Variants in RABGAP1L observed in about 807,000 individuals in gnomAD.
The protein encoded by RABGAP1L is RAB GTPase activating protein 1 like, also known as rab GTPase-activating protein 1-like.
RABGAP1L carries 63 observed loss-of-function variants against 137.7 expected under a neutral mutation model. The observed-to-expected ratio is 0.46, with a 90% confidence interval of 0.37 to 0.56. RABGAP1L has a LOEUF of 0.56. Among genes scored for constraint, RABGAP1L ranks in the 20% least tolerant of loss-of-function variants. The pLI, the probability that RABGAP1L is intolerant of heterozygous loss-of-function variation, is 0.00. For synonymous variants in RABGAP1L, 431 were observed against 433.7 expected (o/e 0.99, Z 0.08); for missense variants, 1,095 against 1,244.0 (o/e 0.88, Z 1.80).
chr1:174,925,971 C>T (rs1217293926), intron 19 of RABGAP1L, among the ~76,000 whole-genome samples: 5 of 138,210 alleles, frequency 3.6e-5, no homozygotes, highest in Admixed American at 8.0e-5. Context: ...TCAAGTGATT[C>T]TCATGCCTCA....
intron 11 of RABGAP1L, among the ~76,000 whole-genome samples, chr1:174,339,471 C>CT (rs201543447): frequency 6.6e-6 from 1 of 151,932 alleles, no homozygotes; most frequent in Non-Finnish European, 1.5e-5. Context: ...TCCCGAATGT[C>CT]TAATTCAGGC....
At chr1:174,860,311 A>G (rs1185190515) in intron 19 of RABGAP1L, among the ~76,000 whole-genome samples, 1 of 152,158 alleles carries the variant, frequency 6.6e-6, no homozygotes, top group East Asian at 1.9e-4. Flanking sequence ...TTTTATTTAT[A>G]TAAATCTTAG....
chr1:174,849,856 T>G (rs946739700), intron 19 of RABGAP1L: 8 of 559,208 alleles, frequency 1.4e-5, no homozygotes, highest in Non-Finnish European at 2.8e-5. Flanking sequence ...ATCTTAATAT[T>G]TATCATATTA....
intron 24 of RABGAP1L, among the ~76,000 whole-genome samples, chr1:174,985,961 C>CG (rs1558308063): frequency 1.3e-5 from 2 of 151,098 alleles, no homozygotes; most frequent in Non-Finnish European, 3.0e-5. Flanking sequence ...TTTTTTGAGA[C>CG]GGGGTCTCGC....
chr1:174,909,249 G>T (rs942621778), intron 19 of RABGAP1L, among the ~76,000 whole-genome samples: 4 of 151,374 alleles, frequency 2.6e-5, no homozygotes, highest in Admixed American at 6.6e-5. Context: ...TTTGAGAGAA[G>T]GTCTTACTCT....
intron 19 of RABGAP1L, among the ~76,000 whole-genome samples, chr1:174,953,969 T>A: frequency 6.6e-6 from 1 of 152,178 alleles, no homozygotes; most frequent in East Asian, 1.9e-4. Context: ...AACTGACCTT[T>A]GATCATCCGT....
At chr1:174,899,631 T>A (rs1657815058) in intron 19 of RABGAP1L, among the ~76,000 whole-genome samples, 1 of 152,190 alleles carries the variant, frequency 6.6e-6, no homozygotes, top group African/African-American at 2.4e-5. Flanking sequence ...TCATCCATCC[T>A]GCTCTCTGTT....
intron 1 of RABGAP1L, among the ~76,000 whole-genome samples, chr1:174,166,512 A>T (rs751748429): frequency 2.6e-5 from 4 of 152,234 alleles, no homozygotes; most frequent in Non-Finnish European, 4.4e-5. Flanking sequence ...GAATTTTCTT[A>T]GATTTCAGCA....
At chr1:174,295,796 G>A (rs569186363) in intron 10 of RABGAP1L, among the ~76,000 whole-genome samples, 3 of 151,958 alleles carry the variant, frequency 2.0e-5, no homozygotes, top group Non-Finnish European at 4.4e-5. Context: ...TGGGACTATA[G>A]GTGTGAGCTA....
intron 1 of RABGAP1L, among the ~76,000 whole-genome samples, chr1:174,186,603 GTTA>G (rs1434039118): frequency 6.6e-6 from 1 of 152,134 alleles, no homozygotes; most frequent in Non-Finnish European, 1.5e-5. Flanking sequence ...TTCCCAGTTT[GTTA>G]TTATCTGTGT....
chr1:174,322,196 G>A (rs1680056414), intron 11 of RABGAP1L, among the ~76,000 whole-genome samples: 1 of 151,956 alleles, frequency 6.6e-6, no homozygotes, highest in African/African-American at 2.4e-5. Context: ...TCCTTTAGAT[G>A]TTTTATAGTT....
At chr1:174,828,192 T>G (rs1453284848) in intron 19 of RABGAP1L, among the ~76,000 whole-genome samples, 1 of 148,060 alleles carries the variant, frequency 6.8e-6, no homozygotes, top group African/African-American at 2.5e-5. Context: ...CCATCAGAAT[T>G]TGCAGTTTCA....
chr1:174,272,390 CT>C (rs746642010), intron 7 of RABGAP1L, 23 bp from the exon 8 acceptor site: 47 of 1,598,556 alleles, frequency 2.9e-5, no homozygotes, highest in South Asian at 8.0e-5. Context: ...CTTATTTCTC[CT>C]TTTTTTCCCC....
chr1:174,456,378 C>A lies in RABGAP1L; in HGVS notation c.1710+62233C>A, dbSNP rs1302209340. On this transcript the variant is annotated intron_variant, in intron 13 of 25. Coordinates refer to ENST00000681986, the MANE Select transcript of RABGAP1L (RefSeq NM_001366446.1). ...CTTAATGATGAAGACATCAAAATCA[C>A]GTTATATTCAAGTACCTACTTTTGG... Among the ~76,000 whole-genome samples the A allele has an allele frequency of 2.0e-5, 3 of 152,074 alleles. No homozygotes were observed. The East Asian group carries it at 5.8e-4, about 29-fold the overall frequency.
chr1:174,387,739 A>AT (rs966333317), intron 12 of RABGAP1L, among the ~76,000 whole-genome samples: 4 of 151,920 alleles, frequency 2.6e-5, no homozygotes, highest in African/African-American at 9.7e-5. Context: ...TTCAGTGTAC[A>AT]TTTTTTTCAG....
At chr1:174,679,088 G>C (rs894214493) in intron 14 of RABGAP1L, among the ~76,000 whole-genome samples, 1 of 152,230 alleles carries the variant, frequency 6.6e-6, no homozygotes, top group Non-Finnish European at 1.5e-5. Context: ...CTGCTCAAAT[G>C]CCTGGGTTTA....
chr1:174,188,748 ATGGTTT>A, intron 1 of RABGAP1L, among the ~76,000 whole-genome samples: 1 of 152,338 alleles, frequency 6.6e-6, no homozygotes, highest in South Asian at 2.1e-4. Context: ...GGTCTCAACA[ATGGTTT>A]TAAAATACTC....
chr1:174,602,350 T>G (rs748340608), intron 13 of RABGAP1L, among the ~76,000 whole-genome samples: 4 of 152,170 alleles, frequency 2.6e-5, no homozygotes, highest in Non-Finnish European at 2.9e-5. Context: ...CGGAAACCCC[T>G]GATAAACCCG....
chr1:174,589,891 G>A (rs1467136655), intron 13 of RABGAP1L, among the ~76,000 whole-genome samples: 1 of 152,118 alleles, frequency 6.6e-6, no homozygotes, highest in Non-Finnish European at 1.5e-5. Flanking sequence ...GTCAGGTAAT[G>A]TGAGTTCTCC....
Sources: gnomAD v4.1 joint callset for allele counts (sites outside exome capture counted in the v4.1 genomes callset) on GRCh38, gnomAD v4.1.1 for gene constraint, MANE v1.5 for transcripts, NCBI Gene and HGNC (gene_info 2026-07-23, HGNC 2026-07-21) for gene names.